The following ZBTB20 variants were observed in gnomAD, a reference collection of about 807,000 sequenced individuals.
The protein encoded by ZBTB20 is zinc finger and BTB domain-containing protein 20.
ZBTB20 carries 9 observed loss-of-function variants against 56.9 expected under a neutral mutation model. That is an observed-to-expected ratio of 0.16 (90% CI 0.10 to 0.28). ZBTB20 has a LOEUF of 0.28. Among genes scored for constraint, ZBTB20 ranks in the 10% least tolerant of loss-of-function variants. ZBTB20 has a pLI of 1.00. For synonymous variants in ZBTB20, 417 were observed against 420.7 expected (o/e 0.99, Z 0.11); for missense variants, 655 against 1,003.0 (o/e 0.65, Z 4.69).
intron 3 of ZBTB20, among the ~76,000 whole-genome samples, chr3:114,922,227 C>G (rs781318899): frequency 2.0e-5 from 3 of 152,102 alleles, no homozygotes; most frequent in Non-Finnish European, 4.4e-5. Flanking sequence ...AAACATCATA[C>G]TCAGTGGTGA....
intron 6 of ZBTB20, among the ~76,000 whole-genome samples, chr3:114,504,740 T>C (rs1173323867): frequency 1.3e-5 from 2 of 152,166 alleles, no homozygotes; most frequent in African/African-American, 2.4e-5. Context: ...TCACTCTAAC[T>C]TGAGGATCAC....
At chr3:114,926,576 C>A (rs921339721) in intron 3 of ZBTB20, among the ~76,000 whole-genome samples, 2 of 151,814 alleles carry the variant, frequency 1.3e-5, no homozygotes, top group African/African-American at 4.8e-5. Context: ...AACAAACAAA[C>A]AAAAAACTAG....
chr3:115,032,569 C>T (rs2080732631), intron 2 of ZBTB20, among the ~76,000 whole-genome samples: 1 of 151,306 alleles, frequency 6.6e-6, no homozygotes, highest in African/African-American at 2.4e-5. Context: ...CTCCACCCAA[C>T]AAAAACAGAA....
At chr3:115,059,392 C>A (rs2081935279) in intron 2 of ZBTB20, among the ~76,000 whole-genome samples, 1 of 152,094 alleles carries the variant, frequency 6.6e-6, no homozygotes, top group Admixed American at 6.6e-5. Flanking sequence ...GCTTGTTAGG[C>A]CCTACTGAAA....
chr3:115,092,554 A>T (rs992173281), intron 1 of ZBTB20, among the ~76,000 whole-genome samples: 4 of 152,112 alleles, frequency 2.6e-5, no homozygotes, highest in Non-Finnish European at 5.9e-5. Flanking sequence ...TCATGTGTGT[A>T]TTCATAGAAA....
intron 7 of ZBTB20, among the ~76,000 whole-genome samples, chr3:114,447,853 A>G (rs758193308): frequency 2.1e-4 from 32 of 152,134 alleles, no homozygotes; most frequent in Non-Finnish European, 4.3e-4. Flanking sequence ...AACAGCTTTG[A>G]GCCTAATGCC....
intron 6 of ZBTB20, among the ~76,000 whole-genome samples, chr3:114,588,361 T>C (rs2055395951): frequency 6.6e-6 from 1 of 152,200 alleles, no homozygotes; most frequent in Admixed American, 6.5e-5. Flanking sequence ...AAAATGAATA[T>C]GTGTCCAACC....
At chr3:115,029,347 G>C (rs1193195767) in intron 2 of ZBTB20, among the ~76,000 whole-genome samples, 2 of 150,498 alleles carry the variant, frequency 1.3e-5, no homozygotes. Flanking sequence ...GAAGGGGGGG[G>C]GCAGTGGTAG....
intron 6 of ZBTB20, among the ~76,000 whole-genome samples, chr3:114,571,163 A>G: frequency 6.6e-6 from 1 of 152,228 alleles, no homozygotes; most frequent in East Asian, 1.9e-4. Context: ...AATGGAGAAC[A>G]AAGTATTAGA....
At chr3:114,485,264 T>G (rs1467556938) in intron 7 of ZBTB20, among the ~76,000 whole-genome samples, 3 of 152,252 alleles carry the variant, frequency 2.0e-5, no homozygotes, top group Non-Finnish European at 4.4e-5. Context: ...ACTAAAACCC[T>G]ACACAATCCT....
chr3:114,538,199 C>T (rs570656555), intron 6 of ZBTB20, among the ~76,000 whole-genome samples: 1 of 152,194 alleles, frequency 6.6e-6, no homozygotes, highest in African/African-American at 2.4e-5. Context: ...GTTTCTATTC[C>T]TTCCTGGGTA....
intron 3 of ZBTB20, among the ~76,000 whole-genome samples, chr3:114,963,688 T>C (rs1473244647): frequency 2.0e-5 from 3 of 152,152 alleles, no homozygotes; most frequent in Non-Finnish European, 2.9e-5. Context: ...ACTTTCTGTA[T>C]TAATCTTTCA....
chr3:114,883,970 G>A (rs678524), intron 4 of ZBTB20, among the ~76,000 whole-genome samples: 85,830 of 100,348 alleles, frequency 0.86, 37,901 homozygotes, highest in East Asian at 0.99. Context: ...CTGTCGCCCA[G>A]GCTGGAGTGC....
intron 3 of ZBTB20, among the ~76,000 whole-genome samples, chr3:114,960,930 T>C (rs898953108): frequency 7.9e-5 from 12 of 151,802 alleles, no homozygotes; most frequent in African/African-American, 2.4e-4. Flanking sequence ...GAAGAAAGCA[T>C]TGCAATAAGG....
At position 114,830,328 on chromosome 3, in the gene ZBTB20, T is replaced by C. The variant is rs1165536952; in HGVS notation, c.-416-29154A>G. On this transcript the variant is annotated intron_variant, in intron 4 of 11. Transcript: ENST00000675478. ...TAAATCATAAGCTGCTCTATTGCAT[T>C]TTAAATAAGTTGATTTATAAAGCTT... Among the ~76,000 whole-genome samples, 8 of 151,962 alleles carry C rather than the reference T, an allele frequency of 5.3e-5. No individual in the cohort carries two copies. The East Asian group carries it at 1.4e-3, about 26-fold the overall frequency.
chr3:114,473,740 GATTCTA>G (rs1386816984), intron 7 of ZBTB20, among the ~76,000 whole-genome samples: 2 of 152,142 alleles, frequency 1.3e-5, no homozygotes, highest in Admixed American at 1.3e-4. Context: ...TTCCCCAAGT[GATTCTA>G]ATTCTATGTC....
intron 3 of ZBTB20, among the ~76,000 whole-genome samples, chr3:114,941,118 G>C (rs1194650228): frequency 6.8e-6 from 1 of 146,476 alleles, no homozygotes; most frequent in Non-Finnish European, 1.5e-5. Context: ...CTAGAGAAAA[G>C]TTTCATCAAA....
chr3:114,463,157 A>C (rs2092403355), intron 7 of ZBTB20, among the ~76,000 whole-genome samples: 1 of 152,206 alleles, frequency 6.6e-6, no homozygotes, highest in Admixed American at 6.5e-5. Context: ...GTGCCTTACC[A>C]ATCTTACAAA....
rs370132572 is a variant in ZBTB20 at position 114,726,860 on chromosome 3, C to T, written c.-342-33285G>A. On this transcript the variant is annotated intron_variant, in intron 5 of 11. Transcript: ENST00000675478. ...CTGGGAGGCAGAGGTTATAGTGAGC[C>T]GAGATTGTGCCACTGCACTCCAGCC... 4.2e-4 allele frequency among the ~76,000 whole-genome samples: 51 copies of T among 120,738 alleles called. No homozygotes were observed. In the East Asian group the frequency reaches 0.01, roughly 24 times the overall value. The allele number at this position is 120,738 out of a possible 152,430, so 79.2% of individuals were successfully genotyped here.
Sources: gnomAD v4.1 joint callset for allele counts (sites outside exome capture counted in the v4.1 genomes callset) on GRCh38, gnomAD v4.1.1 for gene constraint, MANE v1.5 for transcripts, NCBI Gene and HGNC (gene_info 2026-07-23, HGNC 2026-07-21) for gene names.